Variants in KCNN3 observed in about 807,000 individuals in gnomAD.
KCNN3 encodes potassium calcium-activated channel subfamily N member 3.
KCNN3 carries 16 observed loss-of-function variants against 62.9 expected under a neutral mutation model. The observed-to-expected ratio is 0.25, with a 90% CI of 0.17 to 0.39. The LOEUF (loss-of-function observed/expected upper bound fraction) is 0.39, where lower values mean the gene tolerates loss of function less well. Among genes scored for constraint, KCNN3 ranks in the 10% least tolerant of loss-of-function variants. KCNN3 has a pLI of 1.00. For synonymous variants in KCNN3, 370 were observed against 389.2 expected (o/e 0.95, Z 0.58); for missense variants, 599 against 949.4 (o/e 0.63, Z 4.85).
intron 3 of KCNN3, among the ~76,000 whole-genome samples, chr1:154,742,928 C>A (rs532324077): frequency 1.3e-5 from 2 of 152,312 alleles, no homozygotes; most frequent in African/African-American, 4.8e-5. Context: ...AAAACAGAAA[C>A]TCCTCCCAGC....
At chr1:154,802,838 G>C (rs1372348027) in intron 2 of KCNN3, among the ~76,000 whole-genome samples, 2 of 152,184 alleles carry the variant, frequency 1.3e-5, no homozygotes, top group Non-Finnish European at 2.9e-5. Flanking sequence ...AGGCCCAGTG[G>C]CTTCGGCCTG....
intron 1 of KCNN3, among the ~76,000 whole-genome samples, chr1:154,842,976 C>T (rs908132015): frequency 6.6e-6 from 1 of 152,168 alleles, no homozygotes. Flanking sequence ...AGTTGTCATA[C>T]ACATTACATG....
At chr1:154,786,315 T>C (rs1024163068) in intron 2 of KCNN3, among the ~76,000 whole-genome samples, 3 of 152,198 alleles carry the variant, frequency 2.0e-5, no homozygotes, top group Admixed American at 1.3e-4. Context: ...TTGTAACATA[T>C]GCACAAGATA....
chr1:154,748,430 T>G (rs1305669316), intron 3 of KCNN3, among the ~76,000 whole-genome samples: 5 of 152,238 alleles, frequency 3.3e-5, no homozygotes, highest in Admixed American at 3.3e-4. Context: ...GTTGGGATTC[T>G]TGCAAAATAC....
chr1:154,830,813 G>GC (rs1651350798), intron 1 of KCNN3, among the ~76,000 whole-genome samples: 1 of 152,216 alleles, frequency 6.6e-6, no homozygotes, highest in African/African-American at 2.4e-5. Flanking sequence ...TCCTCCCCAG[G>GC]CCCTGGCTCT....
Position 154,801,834 on chromosome 1 carries a change from G to A in KCNN3, c.1029+20255C>T, listed in dbSNP as rs375907990. Among the ~76,000 whole-genome samples, 6 of 152,260 alleles carry A rather than the reference G, an allele frequency of 3.9e-5. No individual in the cohort carries two copies. In the East Asian group the frequency reaches 5.8e-4, roughly 15 times the overall value. ...CCCCGGAGTGAAAGACTCGGCCTCC[G>A]GGGCTCTGTTTGCTGATGTCAGCAC... On this transcript the variant is annotated intron_variant, in intron 2 of 7. Coordinates refer to ENST00000271915, the MANE Select transcript of KCNN3 (RefSeq NM_002249.6).
intron 1 of KCNN3, among the ~76,000 whole-genome samples, chr1:154,823,849 G>A (rs922145338): frequency 6.6e-6 from 1 of 152,100 alleles, no homozygotes; most frequent in Admixed American, 6.5e-5. Context: ...CCACAAGAAT[G>A]AGAGGAGGGC....
In KCNN3 at chr1:154,869,283, G is replaced by C. The variant is rs776341018; in HGVS notation, c.682C>G (p.His228Asp). The change falls in exon 1 of 8, where the codon CAT becomes GAT. Residue 228 changes from histidine (H) to aspartate (D), a missense_variant. Around this residue, in one of 7 missense-constraint regions of KCNN3, gnomAD observed 80 missense variants for 85.4 expected, o/e 0.94. Transcript: ENST00000271915. The surrounding 1 kb of genome is among the most constrained non-coding windows in gnomAD (Gnocchi z 6.1). ...TGATGGAGCAGGGTCTGGTGGGCATGGTTGTCCTCCCGGGAGGAGATGACG... is the reference window on the plus strand; with the variant it reads ...TGATGGAGCAGGGTCTGGTGGGCATCGTTGTCCTCCCGGGAGGAGATGACG... Reference protein sequence around the residue: ...EIVISSREDNHAHQTLLHHPN... With the variant: ...EIVISSREDNDAHQTLLHHPN... 1 of 1,613,860 alleles carries C rather than the reference G, an allele frequency of 6.2e-7. No homozygotes were observed. Among genetic ancestry groups the C allele is most frequent in the Non-Finnish European group, 8.5e-7 (1 of 1,179,936 alleles).
intron 3 of KCNN3, among the ~76,000 whole-genome samples, chr1:154,740,309 G>T (rs889249436): frequency 3.9e-5 from 6 of 152,090 alleles, no homozygotes; most frequent in African/African-American, 1.4e-4. Context: ...TAGAGACAGG[G>T]TCTTACTCTG....
In KCNN3 at chr1:154,800,305, C is replaced by T. The variant is rs143069984; in HGVS notation, c.1029+21784G>A. ...TTCTTCCTTCACCCATCCATTCTATCGCAGATGGATTTCCATTGCTTTCCC... is the reference window on the plus strand; with the variant it reads ...TTCTTCCTTCACCCATCCATTCTATTGCAGATGGATTTCCATTGCTTTCCC... On this transcript the variant is annotated intron_variant, in intron 2 of 7. Transcript: ENST00000271915. Among the ~76,000 whole-genome samples the T allele has an allele frequency of 6.8e-4, 103 of 152,318 alleles. 1 individual carries two copies. In the East Asian group the frequency reaches 0.019, roughly 28 times the overall value.
chr1:154,709,505 G>A (rs150472298), intron 7 of KCNN3, among the ~76,000 whole-genome samples: 244 of 152,198 alleles, frequency 1.6e-3, no homozygotes, highest in Non-Finnish European at 2.8e-3. Context: ...TAAGGTGAGA[G>A]GAAAAAAGAA....
intron 5 of KCNN3, among the ~76,000 whole-genome samples, chr1:154,719,772 C>T (rs913751907): frequency 9.9e-5 from 15 of 152,112 alleles, no homozygotes; most frequent in Admixed American, 6.5e-5. Context: ...GCTCTGGCTT[C>T]CCCGGCTGCC....
chr1:154,731,279 C>A (rs1332096590), intron 4 of KCNN3, among the ~76,000 whole-genome samples: 1 of 152,264 alleles, frequency 6.6e-6, no homozygotes, highest in Non-Finnish European at 1.5e-5. Flanking sequence ...AAGACAGACT[C>A]CTACTAACCG....
At chr1:154,712,926 T>C (rs1210910402) in intron 7 of KCNN3, among the ~76,000 whole-genome samples, 1 of 152,168 alleles carries the variant, frequency 6.6e-6, no homozygotes, top group East Asian at 1.9e-4. Context: ...TCATGTTCCT[T>C]GTAGGCTATC....
intron 2 of KCNN3, among the ~76,000 whole-genome samples, chr1:154,789,737 G>A (rs1056328707): frequency 3.3e-5 from 5 of 152,142 alleles, no homozygotes; most frequent in Non-Finnish European, 5.9e-5. Flanking sequence ...TTACTCTCTA[G>A]ACTGAGCCCT....
At chr1:154,749,828 C>T (rs544210783) in intron 3 of KCNN3, among the ~76,000 whole-genome samples, 3 of 152,226 alleles carry the variant, frequency 2.0e-5, no homozygotes, top group South Asian at 2.1e-4. Flanking sequence ...TGCCCTGACC[C>T]GGGGTCCCCA....
chr1:154,835,420 C>T (rs1296745242), intron 1 of KCNN3, among the ~76,000 whole-genome samples: 2 of 152,216 alleles, frequency 1.3e-5, no homozygotes, highest in African/African-American at 2.4e-5. Flanking sequence ...TCTGCCCCCA[C>T]ACCTGCCAGC....
intron 3 of KCNN3, among the ~76,000 whole-genome samples, chr1:154,751,896 G>A (rs1374449171): frequency 6.6e-6 from 1 of 152,198 alleles, no homozygotes; most frequent in African/African-American, 2.4e-5. Context: ...GGGAACAAAG[G>A]AGAAGCATCG....
chr1:154,739,233 A>G (rs1700777468), intron 3 of KCNN3, among the ~76,000 whole-genome samples: 1 of 152,230 alleles, frequency 6.6e-6, no homozygotes, highest in Non-Finnish European at 1.5e-5. Context: ...TGTAACTTTG[A>G]TCATATCAAC....
Sources: gnomAD v4.1 joint callset for allele counts (sites outside exome capture counted in the v4.1 genomes callset) on GRCh38, gnomAD v4.1.1 for gene constraint, gnomAD v4.1.1 regional missense constraint, Gnocchi (gnomAD v3.1) non-coding constraint, MANE v1.5 for transcripts, NCBI Gene and HGNC (gene_info 2026-07-23, HGNC 2026-07-21) for gene names.